The following HSF2BP variants were observed in gnomAD, a reference collection of about 807,000 sequenced individuals.
The protein encoded by HSF2BP is heat shock factor 2-binding protein.
HSF2BP carries 35 observed loss-of-function variants against 35.0 expected under a neutral mutation model. The ratio of observed to expected loss-of-function variants is 1.00; its 90% CI spans 0.76 to 1.32. The LOEUF (loss-of-function observed/expected upper bound fraction) is 1.32. HSF2BP is among the 40% of genes most tolerant of loss of function. HSF2BP has a pLI of 0.00. For missense variants in HSF2BP, 326 were observed against 321.7 expected (o/e 1.01, Z -0.10); for synonymous variants, 114 against 117.4 (o/e 0.97, Z 0.18).
chr21:43,586,252 A>G (rs2081849390), intron 8 of HSF2BP, among the ~76,000 whole-genome samples: 1 of 152,192 alleles, frequency 6.6e-6, no homozygotes, highest in South Asian at 2.1e-4. Flanking sequence ...AAAGCCTGGG[A>G]AAAAGCCAGC....
intron 6 of HSF2BP, among the ~76,000 whole-genome samples, chr21:43,627,503 A>G (rs965362216): frequency 1.1e-4 from 17 of 152,202 alleles, no homozygotes; most frequent in African/African-American, 3.6e-4. Context: ...CAGATCATTC[A>G]TTCTTAATAA....
intron 7 of HSF2BP, among the ~76,000 whole-genome samples, chr21:43,609,445 T>A (rs1217708649): frequency 1.3e-5 from 2 of 151,262 alleles, no homozygotes; most frequent in Admixed American, 6.6e-5. Flanking sequence ...TAAATTTAAA[T>A]TTTTTTAAAA....
At chr21:43,657,099 AGTGG>A (rs1214258539) in intron 2 of HSF2BP, among the ~76,000 whole-genome samples, 1 of 152,196 alleles carries the variant, frequency 6.6e-6, no homozygotes, top group African/African-American at 2.4e-5. Flanking sequence ...GGCCCGGCGC[AGTGG>A]CTCACGCCTG....
intron 4 of HSF2BP, among the ~76,000 whole-genome samples, chr21:43,643,027 C>A (rs936319705): frequency 6.6e-6 from 1 of 151,898 alleles, no homozygotes; most frequent in Non-Finnish European, 1.5e-5. Flanking sequence ...GTACTATTAT[C>A]ATCCAAAATA....
chr21:43,607,099 T>C (rs767348915), intron 7 of HSF2BP, among the ~76,000 whole-genome samples: 2 of 152,054 alleles, frequency 1.3e-5, no homozygotes, highest in Non-Finnish European at 2.9e-5. Flanking sequence ...GACCAGCTTG[T>C]GCAACATGGC....
At chr21:43,617,472 GCTTA>G (rs888361006) in intron 6 of HSF2BP, among the ~76,000 whole-genome samples, 15 of 149,716 alleles carry the variant, frequency 1.0e-4, no homozygotes, top group African/African-American at 2.7e-4. Context: ...TTTGTACTTT[GCTTA>G]CTGATATTTA....
At chr21:43,635,779 T>C (rs147644792) in intron 4 of HSF2BP, among the ~76,000 whole-genome samples, 3 of 151,960 alleles carry the variant, frequency 2.0e-5, no homozygotes, top group African/African-American at 7.2e-5. Flanking sequence ...TAGTTGAGCA[T>C]GGTGGCACGG....
chr21:43,638,329 A>C (rs2147054347), intron 4 of HSF2BP, among the ~76,000 whole-genome samples: 1 of 152,158 alleles, frequency 6.6e-6, no homozygotes, highest in East Asian at 1.9e-4. Flanking sequence ...ATGGTGGCGC[A>C]CATCTGTAAT....
intron 7 of HSF2BP, among the ~76,000 whole-genome samples, chr21:43,593,722 G>C (rs1213875599): frequency 6.6e-6 from 1 of 152,012 alleles, no homozygotes; most frequent in African/African-American, 2.4e-5. Context: ...TAGACACATG[G>C]AAAAGGAGAA....
chr21:43,637,299 A>C (rs1027637937), intron 4 of HSF2BP, among the ~76,000 whole-genome samples: 2 of 152,206 alleles, frequency 1.3e-5, no homozygotes, highest in Admixed American at 1.3e-4. Context: ...CAGACACAGA[A>C]GACTACATAT....
rs942239775 is a variant in HSF2BP at position 43,618,952 on chromosome 21, GAA to G, written c.575-5007_575-5006del. 5.3e-4 allele frequency among the ~76,000 whole-genome samples: 67 copies of G among 126,874 alleles called. No individual in the cohort carries two copies. The East Asian group carries it at 0.01, about 19-fold the overall frequency. The allele number at this position is 126,874 out of a possible 152,430, so 83.2% of individuals were successfully genotyped here. On this transcript the variant is annotated intron_variant, in intron 6 of 8. Coordinates refer to ENST00000291560, the MANE Select transcript of HSF2BP (RefSeq NM_007031.2). ...AGAGCAAGACTCCGTCTCAAAAAAA[GAA>G]AAAAAAAAAAGAAAAAATTAAAGCT...
intron 7 of HSF2BP, among the ~76,000 whole-genome samples, chr21:43,596,461 A>G (rs2081988656): frequency 6.6e-6 from 1 of 152,174 alleles, no homozygotes; most frequent in Non-Finnish European, 1.5e-5. Context: ...ATGGCAGAGT[A>G]ACTTGCATTG....
chr21:43,600,890 C>A (rs1482788048), intron 7 of HSF2BP, among the ~76,000 whole-genome samples: 1 of 152,186 alleles, frequency 6.6e-6, no homozygotes, highest in East Asian at 1.9e-4. Context: ...GGTATGGAAT[C>A]TTTTTTCTTT....
chr21:43,644,417 C>G (rs2082681983), intron 3 of HSF2BP, 25 bp from the exon 4 acceptor site: 2 of 1,539,634 alleles, frequency 1.3e-6, no homozygotes, highest in East Asian at 4.5e-5. Flanking sequence ...TAAAATTACT[C>G]AAGATATTTC....
At chr21:43,467,769 ACACAC>A in the HSF2BP span, among the ~76,000 whole-genome samples, 1 of 21,378 alleles carries the variant, frequency 4.7e-5, no homozygotes, top group East Asian at 1.2e-3. Flanking sequence ...CACACACCAC[ACACAC>A]CACACCACAA....
At chr21:43,467,953 CCA>C in the HSF2BP span, among the ~76,000 whole-genome samples, 30 of 92,598 alleles carry the variant, frequency 3.2e-4, no homozygotes, top group African/African-American at 9.2e-4. Context: ...ACCACACACA[CCA>C]CACTTACACC....
chr21:43,467,861 ACACACACACCAAACACAC>A, the HSF2BP span, among the ~76,000 whole-genome samples: 1 of 60,958 alleles, frequency 1.6e-5, no homozygotes, highest in Non-Finnish European at 3.5e-5. Flanking sequence ...ACCACACACC[ACACACACACCAAACACAC>A]CACACACACC....
At chr21:43,577,103 C>T (rs975019221) in intron 8 of HSF2BP, among the ~76,000 whole-genome samples, 2 of 152,162 alleles carry the variant, frequency 1.3e-5, no homozygotes, top group African/African-American at 2.4e-5. Flanking sequence ...GTTGGCACTC[C>T]ACCACCCCAT....
intron 4 of HSF2BP, 96 bp downstream of exon 4, chr21:43,644,192 AG>A: frequency 1.3e-6 from 1 of 790,226 alleles, no homozygotes; most frequent in Non-Finnish European, 2.2e-6. Flanking sequence ...TTGAGGATTA[AG>A]AGTAAAAAAT....
Sources: allele counts gnomAD v4.1 joint callset (sites outside exome capture counted in the v4.1 genomes callset), GRCh38; gene constraint gnomAD v4.1.1; transcripts MANE v1.5; gene names NCBI Gene and HGNC (gene_info 2026-07-23, HGNC 2026-07-21).